SCP2: variants seen among roughly 807,000 people sequenced by gnomAD.
SCP2 encodes sterol carrier protein 2.
In SCP2, 48 loss-of-function variants were observed where a neutral mutation model predicts 71.4. The observed-to-expected ratio is 0.67, with a 90% CI of 0.53 to 0.86. SCP2 has a LOEUF of 0.86. Ranked by LOEUF, SCP2 falls within the 40% of genes least tolerant of loss-of-function variation. The probability of loss-of-function intolerance (pLI) is 0.00; values close to 1 mark genes in which losing one functional copy is unlikely to be tolerated. For missense variants in SCP2, 560 were observed against 655.6 expected, an observed-to-expected ratio of 0.85 and a Z score of 1.59; for synonymous variants, 220 against 218.1, an observed-to-expected ratio of 1.01 and a Z score of -0.08.
At chr1:53,047,786 C>G (rs1663928632) in intron 14 of SCP2, 72 bp from the exon 15 acceptor site, 1 of 1,050,126 alleles carries the variant, frequency 9.5e-7, no homozygotes, top group African/African-American at 1.6e-5. Flanking sequence ...CAGTCAGTGG[C>G]TCTTGACAAA....
intron 12 of SCP2, among the ~76,000 whole-genome samples, chr1:53,018,947 ACTTT>A (rs1408729012): frequency 6.6e-6 from 1 of 151,974 alleles, no homozygotes; most frequent in East Asian, 1.9e-4. Flanking sequence ...GATCCCTCAG[ACTTT>A]CTTTGTATTT....
chr1:53,036,742 TCTA>T (rs1662979606), intron 13 of SCP2, among the ~76,000 whole-genome samples: 1 of 151,970 alleles, frequency 6.6e-6, no homozygotes, highest in Non-Finnish European at 1.5e-5. Flanking sequence ...TATTTTGTAA[TCTA>T]CTTTTTCTGT....
intron 6 of SCP2, among the ~76,000 whole-genome samples, chr1:52,971,206 G>A (rs1657465161): frequency 6.6e-6 from 1 of 151,920 alleles, no homozygotes; most frequent in African/African-American, 2.4e-5. Flanking sequence ...TCGATATCCC[G>A]ACCTCGTGAT....
At chr1:53,032,519 T>C (rs1175689318) in intron 13 of SCP2, among the ~76,000 whole-genome samples, 1 of 151,972 alleles carries the variant, frequency 6.6e-6, no homozygotes, top group African/African-American at 2.4e-5. Context: ...GGATGGGGTA[T>C]GAGTAAGGGC....
intron 12 of SCP2, 44 bp downstream of exon 12, chr1:53,015,087 CT>C: frequency 6.3e-7 from 1 of 1,580,768 alleles, no homozygotes; most frequent in Non-Finnish European, 8.7e-7. Context: ...ATCCTTCTGA[CT>C]TTTCACAGTT....
chr1:52,986,008 C>A (rs1188467048), intron 10 of SCP2, among the ~76,000 whole-genome samples: 1 of 151,872 alleles, frequency 6.6e-6, no homozygotes, highest in African/African-American at 2.4e-5. Flanking sequence ...CTTTTCCTCA[C>A]CCCTCTCCCC....
intron 12 of SCP2, among the ~76,000 whole-genome samples, chr1:53,015,794 TTTTCC>T (rs1661297223): frequency 6.6e-6 from 1 of 152,160 alleles, no homozygotes; most frequent in Admixed American, 6.5e-5. Flanking sequence ...CCACCTTTAT[TTTTCC>T]AAGCCGGAAT....
chr1:52,963,352 T>A (rs1470792748), intron 6 of SCP2, among the ~76,000 whole-genome samples: 1 of 152,140 alleles, frequency 6.6e-6, no homozygotes, highest in Non-Finnish European at 1.5e-5. Flanking sequence ...CTTGGCATGT[T>A]ATTTAACCAG....
chr1:53,043,875 A>G (rs1000698856), intron 14 of SCP2, among the ~76,000 whole-genome samples: 37 of 152,250 alleles, frequency 2.4e-4, no homozygotes, highest in African/African-American at 8.9e-4. Flanking sequence ...TTTATTTTTT[A>G]AGGATTTAGA....
chr1:52,965,268 A>G (rs919108418), intron 6 of SCP2, among the ~76,000 whole-genome samples: 2 of 151,972 alleles, frequency 1.3e-5, no homozygotes, highest in Non-Finnish European at 2.9e-5. Flanking sequence ...GGTTATGTGC[A>G]TGGGTTTTTT....
chr1:52,982,519 G>A (rs1185056453), intron 10 of SCP2, among the ~76,000 whole-genome samples: 1 of 152,048 alleles, frequency 6.6e-6, no homozygotes, highest in Non-Finnish European at 1.5e-5. Context: ...GCAGGGAGCT[G>A]ATATCATACC....
At chr1:53,038,205 T>G (rs1032335739) in intron 13 of SCP2, among the ~76,000 whole-genome samples, 5 of 147,592 alleles carry the variant, frequency 3.4e-5, no homozygotes, top group Non-Finnish European at 7.4e-5. Flanking sequence ...TGTTTATATA[T>G]ATACCATTTA....
chr1:53,032,853 A>G (rs1396991718), intron 13 of SCP2, among the ~76,000 whole-genome samples: 1 of 152,206 alleles, frequency 6.6e-6, no homozygotes, highest in Non-Finnish European at 1.5e-5. Flanking sequence ...TGTCTGCCCA[A>G]CTATTTGTAT....
chr1:53,029,795 A>G (rs990666265), intron 13 of SCP2, among the ~76,000 whole-genome samples: 38 of 152,316 alleles, frequency 2.5e-4, no homozygotes, highest in African/African-American at 8.4e-4. Flanking sequence ...CTGTCCTGCA[A>G]CCATCTTGGG....
At chr1:53,020,590 T>C (rs6684285) in intron 12 of SCP2, among the ~76,000 whole-genome samples, 20,867 of 152,146 alleles carry the variant, frequency 0.14, 2,035 homozygotes, top group East Asian at 0.32. Context: ...TGAGCCACTG[T>C]GCCCAGCCTG....
At chr1:53,050,547 G>A in intron 15 of SCP2, 62 bp from the exon 16 acceptor site, 1 of 1,029,762 alleles carries the variant, frequency 9.7e-7, no homozygotes, top group Non-Finnish European at 1.5e-6. Flanking sequence ...AGATAGTGTA[G>A]AAACATCAGC....
chr1:52,994,976 T>TGA (rs1427816013), intron 11 of SCP2: 1 of 511,348 alleles, frequency 2.0e-6, no homozygotes, highest in Non-Finnish European at 3.9e-6. Context: ...TTTGGCCAGG[T>TGA]GCTTAAACCA....
intron 6 of SCP2, among the ~76,000 whole-genome samples, chr1:52,967,005 T>C (rs1196399548): frequency 2.6e-5 from 4 of 151,972 alleles, no homozygotes; most frequent in African/African-American, 9.7e-5. Flanking sequence ...CTGGTCAGCA[T>C]GGTGAAACCC....
chr1:53,037,879 T>TACACACACACACACACACACACAC (rs34293671), intron 13 of SCP2, among the ~76,000 whole-genome samples: 1 of 84,560 alleles, frequency 1.2e-5, no homozygotes, highest in African/African-American at 4.2e-5. Context: ...TGTCTCTACA[T>TACACACACACACACACACACACAC]ACACACACAC....
Sources: allele counts gnomAD v4.1 joint callset (sites outside exome capture counted in the v4.1 genomes callset), GRCh38; gene constraint gnomAD v4.1.1; transcripts MANE v1.5; gene names NCBI Gene and HGNC (gene_info 2026-07-23, HGNC 2026-07-21).